Variants in NCAM1 observed in about 807,000 individuals in gnomAD.
NCAM1 encodes neural cell adhesion molecule 1.
NCAM1 carries 14 observed loss-of-function variants against 109.8 expected under a neutral mutation model. The observed-to-expected ratio is 0.13, with a 90% confidence interval of 0.08 to 0.20. The LOEUF (loss-of-function observed/expected upper bound fraction) is 0.20, where lower values mean the gene tolerates loss of function less well. NCAM1 is among the 10% of genes least tolerant of loss of function. The pLI, the probability that NCAM1 is intolerant of heterozygous loss-of-function variation, is 1.00. For synonymous variants in NCAM1, 418 were observed against 442.9 expected (o/e 0.94, Z 0.70); for missense variants, 774 against 1,109.9 (o/e 0.70, Z 4.30).
intron 1 of NCAM1, among the ~76,000 whole-genome samples, chr11:112,979,477 G>A (rs1263029046): frequency 6.6e-6 from 1 of 151,860 alleles, no homozygotes; most frequent in African/African-American, 2.4e-5. Context: ...TGGCAGAACA[G>A]TGGGTTTGGA....
chr11:112,961,606 G>A lies in NCAM1; in HGVS notation c.-7G>A. ...GCAAGAACATCCCTCCCAGCCAGCA[G>A]ATTACAATGCTGCAAACTAAGGATC... On this transcript the variant is annotated 5_prime_UTR_variant, in exon 1 of 20. Transcript: ENST00000316851. 6.8e-7 allele frequency: 1 copy of A among 1,478,694 alleles called. No individual in the cohort carries two copies. Among genetic ancestry groups the A allele is most frequent in the Non-Finnish European group, 9.4e-7 (1 of 1,058,860 alleles). 91.6% of individuals were successfully genotyped at this position (1,478,694 alleles called of 1,614,324 possible).
intron 1 of NCAM1, among the ~76,000 whole-genome samples, chr11:113,163,519 A>G (rs1336437953): frequency 6.6e-6 from 1 of 152,156 alleles, no homozygotes; most frequent in East Asian, 1.9e-4. Flanking sequence ...GGAATTGTCA[A>G]GAGTGTTATG....
chr11:113,213,931 T>C (rs982738252), intron 7 of NCAM1, among the ~76,000 whole-genome samples: 3 of 152,244 alleles, frequency 2.0e-5, no homozygotes, highest in African/African-American at 7.2e-5. Context: ...CTGTGCCTCA[T>C]GCCACACTGT....
At chr11:113,137,533 A>C (rs1555099708) in intron 1 of NCAM1, among the ~76,000 whole-genome samples, 2 of 152,234 alleles carry the variant, frequency 1.3e-5, no homozygotes, top group East Asian at 3.8e-4. Context: ...ATTGTATCTA[A>C]AATGTAAGAC....
chr11:113,179,613 T>G (rs1943268906), intron 1 of NCAM1, among the ~76,000 whole-genome samples: 1 of 152,234 alleles, frequency 6.6e-6, no homozygotes, highest in African/African-American at 2.4e-5. Context: ...AAGTGAACAC[T>G]GCCAGACTGT....
rs910645929 is a variant in NCAM1 at position 113,264,851 on chromosome 11, G to A, written c.2131+4528G>A. ...CGGCTTGTAACAGTGCGCTCCTCAG[G>A]AGGCAGCACTAGCGCATACCCACTC... On this transcript the variant is annotated intron_variant, in intron 17 of 19. Coordinates refer to ENST00000316851, the MANE Select transcript of NCAM1 (RefSeq NM_181351.5). 3.0e-5 allele frequency: 30 copies of A among 985,292 alleles called. No homozygotes were observed. The African/African-American group carries it at 4.9e-4, about 16-fold the overall frequency. 61.0% of individuals were successfully genotyped at this position (985,292 alleles called of 1,614,324 possible).
chr11:113,123,003 A>C (rs1941030948), intron 1 of NCAM1, among the ~76,000 whole-genome samples: 1 of 152,188 alleles, frequency 6.6e-6, no homozygotes, highest in Non-Finnish European at 1.5e-5. Context: ...GAGCTAAAAA[A>C]TGTTGATCTC....
intron 18 of NCAM1, chr11:113,270,603 C>T (rs1946245729): frequency 3.4e-6 from 2 of 582,434 alleles, no homozygotes; most frequent in Admixed American, 6.0e-5. Context: ...GACTCTTGAG[C>T]CCAATCCCAG....
At chr11:113,009,314 T>TTTTTTTTTGTTG (rs1951974756) in intron 1 of NCAM1, among the ~76,000 whole-genome samples, 4 of 93,440 alleles carry the variant, frequency 4.3e-5, no homozygotes, top group Non-Finnish European at 8.5e-5. Flanking sequence ...TTTTTCGGGT[T>TTTTTTTTTGTTG]TTTTTTTTTT....
At chr11:113,267,194 G>A (rs955035114) in intron 17 of NCAM1, among the ~76,000 whole-genome samples, 3 of 152,034 alleles carry the variant, frequency 2.0e-5, no homozygotes, top group East Asian at 1.9e-4. Context: ...TAGTATTCTC[G>A]TCTCCAGACT....
intron 1 of NCAM1, among the ~76,000 whole-genome samples, chr11:113,023,167 T>C (rs1952441377): frequency 6.6e-6 from 1 of 152,314 alleles, no homozygotes; most frequent in Non-Finnish European, 1.5e-5. Context: ...GGCACGAACT[T>C]TAAAAGATGG....
At chr11:113,193,461 C>T (rs1943750721) in intron 1 of NCAM1, among the ~76,000 whole-genome samples, 1 of 152,086 alleles carries the variant, frequency 6.6e-6, no homozygotes, top group Non-Finnish European at 1.5e-5. Flanking sequence ...GCCTGGTGAA[C>T]ATGGTGAAAC....
intron 1 of NCAM1, among the ~76,000 whole-genome samples, chr11:113,071,129 A>T (rs1439587445): frequency 1.3e-5 from 2 of 152,166 alleles, no homozygotes; most frequent in African/African-American, 4.8e-5. Context: ...TGGAAGAAAA[A>T]GGACAGGAAG....
intron 1 of NCAM1, among the ~76,000 whole-genome samples, chr11:113,101,466 G>C (rs1047843433): frequency 6.6e-6 from 1 of 152,026 alleles, no homozygotes; most frequent in Non-Finnish European, 1.5e-5. Flanking sequence ...TCTATGATCT[G>C]TTCTAAATTA....
intron 1 of NCAM1, among the ~76,000 whole-genome samples, chr11:113,155,898 G>C (rs1555103393): frequency 2.0e-5 from 3 of 151,990 alleles, no homozygotes; most frequent in Non-Finnish European, 4.4e-5. Context: ...CTTGCTGATG[G>C]AGACGTTCTC....
chr11:113,265,358 C>T (rs17598303), intron 17 of NCAM1, among the ~76,000 whole-genome samples: 24,731 of 151,964 alleles, frequency 0.16, 2,646 homozygotes, highest in South Asian at 0.37. Flanking sequence ...ATCTCTTTTT[C>T]CCAGGCATCC....
intron 1 of NCAM1, among the ~76,000 whole-genome samples, chr11:113,083,365 A>G (rs782777404): frequency 3.3e-5 from 5 of 152,106 alleles, no homozygotes; most frequent in Non-Finnish European, 5.9e-5. Flanking sequence ...TTTTAACTGT[A>G]CTGCCTCCCA....
intron 1 of NCAM1, among the ~76,000 whole-genome samples, chr11:113,037,758 G>T (rs1952939799): frequency 6.6e-6 from 1 of 152,098 alleles, no homozygotes; most frequent in Non-Finnish European, 1.5e-5. Flanking sequence ...CCCACTTTCT[G>T]CTTCAGATAC....
chr11:113,106,664 T>A (rs1940183847), intron 1 of NCAM1, among the ~76,000 whole-genome samples: 1 of 152,226 alleles, frequency 6.6e-6, no homozygotes, highest in Admixed American at 6.5e-5. Flanking sequence ...AACTGAACCG[T>A]GGCTCTTGGA....
Sources: gnomAD v4.1 joint callset for allele counts (sites outside exome capture counted in the v4.1 genomes callset) on GRCh38, gnomAD v4.1.1 for gene constraint, MANE v1.5 for transcripts, NCBI Gene and HGNC (gene_info 2026-07-23, HGNC 2026-07-21) for gene names.